Variants in TIAM1 observed in about 807,000 individuals in gnomAD.
TIAM1 encodes TIAM Rac1 associated GEF 1, also known as rho guanine nucleotide exchange factor TIAM1.
TIAM1 carries 65 observed loss-of-function variants against 163.5 expected under a neutral mutation model. The ratio of observed to expected loss-of-function variants is 0.40; its 90% CI spans 0.33 to 0.49. The LOEUF is 0.49. Ranked by LOEUF, TIAM1 falls within the 20% of genes least tolerant of loss-of-function variation. The pLI, the probability that TIAM1 is intolerant of heterozygous loss-of-function variation, is 0.77. For missense variants in TIAM1, 1,789 were observed against 2,044.7 expected (o/e 0.87, Z 2.41); for synonymous variants, 833 against 810.1 (o/e 1.03, Z -0.48).
rs116551960 is a variant in TIAM1, at chr21:31,438,016, A to T, written c.-369+25967T>A. On this transcript the variant is annotated intron_variant, in intron 2 of 28. Coordinates refer to the TIAM1 transcript ENST00000286827. ...AATTATCTCAGCTTGCTTTCTTAAT[A>T]AGAGGTTAACCCTTCCAAGATGATG... Among the ~76,000 whole-genome samples the T allele has an allele frequency of 3.0e-3, 453 of 152,214 alleles. 5 individuals are homozygous for T. Among genetic ancestry groups the T allele is most frequent in the African/African-American group, 9.2e-3 (384 of 41,522 alleles).
intron 2 of TIAM1, among the ~76,000 whole-genome samples, chr21:31,431,728 G>A (rs1189672500): frequency 6.6e-6 from 1 of 152,156 alleles, no homozygotes; most frequent in Non-Finnish European, 1.5e-5. Context: ...TTGCTTGTAG[G>A]CCAAAGCCTG....
At chr21:31,224,798 G>C (rs987397309) in intron 7 of TIAM1, among the ~76,000 whole-genome samples, 1 of 152,132 alleles carries the variant, frequency 6.6e-6, no homozygotes, top group Non-Finnish European at 1.5e-5. Flanking sequence ...CATGTCAATT[G>C]TTCAATGATT....
intron 2 of TIAM1, among the ~76,000 whole-genome samples, chr21:31,421,202 T>C (rs148884170): frequency 2.7e-4 from 40 of 150,706 alleles, no homozygotes; most frequent in Non-Finnish European, 5.0e-4. Flanking sequence ...CTAAATCCAA[T>C]GACTAGTGGC....
At chr21:31,532,410 T>C (rs537092383) in intron 1 of TIAM1, among the ~76,000 whole-genome samples, 1 of 152,330 alleles carries the variant, frequency 6.6e-6, no homozygotes, top group Admixed American at 6.5e-5. Flanking sequence ...TGCTTTTATG[T>C]CCTTCATTAA....
At position 31,164,504 on chromosome 21, in the gene TIAM1, T is replaced by G. The variant is rs546082310; in HGVS notation, c.2991+458A>C. On this transcript the variant is annotated intron_variant, in intron 16 of 27. Coordinates refer to ENST00000541036, the MANE Select transcript of TIAM1 (RefSeq NM_001353694.2). Reference sequence around the variant, plus strand: ...AAGTGTATTTGGATTAATTTTAAAATATGGTTTCTTTCCCTTTAACATAAA... The same window carrying G: ...AAGTGTATTTGGATTAATTTTAAAAGATGGTTTCTTTCCCTTTAACATAAA... 5.9e-5 allele frequency among the ~76,000 whole-genome samples: 9 copies of G among 152,256 alleles called. No homozygotes were observed. In the South Asian group the frequency reaches 1.9e-3, roughly 32 times the overall value.
chr21:31,144,971 T>C (rs1460854696), intron 20 of TIAM1, among the ~76,000 whole-genome samples: 1 of 152,172 alleles, frequency 6.6e-6, no homozygotes, highest in African/African-American at 2.4e-5. Context: ...TTAATCTAAT[T>C]GAGTGATTAA....
chr21:31,452,430 C>G (rs187752173), intron 2 of TIAM1: 73 of 379,010 alleles, frequency 1.9e-4, no homozygotes, highest in Admixed American at 1.3e-3. Context: ...GACCCTATTT[C>G]GAAACAACAA....
At chr21:31,392,331 G>T (rs964990839) in intron 2 of TIAM1, among the ~76,000 whole-genome samples, 3 of 152,140 alleles carry the variant, frequency 2.0e-5, no homozygotes, top group Non-Finnish European at 4.4e-5. Flanking sequence ...AGCACTTTGG[G>T]AGGCAGAGGC....
chr21:31,153,481 G>T (rs1031253772), intron 17 of TIAM1, among the ~76,000 whole-genome samples: 3 of 152,132 alleles, frequency 2.0e-5, no homozygotes, highest in Non-Finnish European at 4.4e-5. Flanking sequence ...AGCTGGATTT[G>T]ACCTGAGAGC....
rs771859944 is a variant in TIAM1, at chr21:31,225,897, G to A, written c.1638C>T (p.Cys546=). Residue 546 remains cysteine, a synonymous_variant, in exon 7 of 28, where the codon TGC becomes TGT. Coordinates refer to ENST00000541036, the MANE Select transcript of TIAM1 (RefSeq NM_001353694.2). Reference sequence around the variant, plus strand: ...GGTGGTGCCTCGCGACCGCAGTGGCGCAGGCAGAGTGGATGGCGGTGATCC... The same window carrying A: ...GGTGGTGCCTCGCGACCGCAGTGGCACAGGCAGAGTGGATGGCGGTGATCC... ...ENWITAIHSA[C]ATAVARHHHK... is the part of the protein sequence containing the mutation. 2.9e-5 allele frequency: 46 copies of A among 1,614,036 alleles called. No individual in the cohort carries two copies. Among genetic ancestry groups the A allele is most frequent in the African/African-American group, 6.7e-5 (5 of 74,920 alleles).
intron 2 of TIAM1, among the ~76,000 whole-genome samples, chr21:31,322,804 A>G (rs761247834): frequency 4.3e-4 from 65 of 152,110 alleles, no homozygotes; most frequent in Non-Finnish European, 7.9e-4. Context: ...CTATCTACAC[A>G]TGCAATTGTA....
chr21:31,544,100 C>T (rs1172086625), intron 1 of TIAM1, among the ~76,000 whole-genome samples: 1 of 152,068 alleles, frequency 6.6e-6, no homozygotes, highest in Non-Finnish European at 1.5e-5. Flanking sequence ...ATCCCAGCTA[C>T]TCAGGAGGCT....
chr21:31,450,263 G>A (rs933802183), intron 2 of TIAM1, among the ~76,000 whole-genome samples: 2 of 152,124 alleles, frequency 1.3e-5, no homozygotes, highest in Non-Finnish European at 2.9e-5. Flanking sequence ...CTTCCCTACA[G>A]AAACAACAGT....
intron 1 of TIAM1, among the ~76,000 whole-genome samples, chr21:31,489,581 C>G (rs894249641): frequency 6.9e-6 from 1 of 145,246 alleles, no homozygotes; most frequent in Non-Finnish European, 1.5e-5. Flanking sequence ...ACCCCCCCCC[C>G]CTTGGCAGAT....
chr21:31,477,025 C>G (rs1431153249), intron 1 of TIAM1, among the ~76,000 whole-genome samples: 1 of 152,124 alleles, frequency 6.6e-6, no homozygotes, highest in African/African-American at 2.4e-5. Flanking sequence ...AAAAGGGATG[C>G]CTGACTTCCT....
chr21:31,280,617 C>G (rs1463143549), intron 2 of TIAM1, among the ~76,000 whole-genome samples: 1 of 152,160 alleles, frequency 6.6e-6, no homozygotes, highest in Admixed American at 6.5e-5. Context: ...GGAAGTATTA[C>G]CAAAACTAAT....
intron 15 of TIAM1, among the ~76,000 whole-genome samples, chr21:31,181,540 TCA>T (rs1484233897): frequency 6.6e-6 from 1 of 151,862 alleles, no homozygotes; most frequent in East Asian, 1.9e-4. Flanking sequence ...GCGCTCGGGT[TCA>T]GTCTTCAGGT....
chr21:31,155,797 G>A (rs981655412), intron 16 of TIAM1, among the ~76,000 whole-genome samples: 71 of 152,276 alleles, frequency 4.7e-4, no homozygotes, highest in Admixed American at 7.2e-4. Flanking sequence ...CACCGCGCCC[G>A]GCCCCGGAAA....
chr21:31,300,602 A>G (rs1008094697), intron 2 of TIAM1, among the ~76,000 whole-genome samples: 2 of 152,242 alleles, frequency 1.3e-5, no homozygotes, highest in African/African-American at 4.8e-5. Context: ...TTGTAAAGTA[A>G]TAATACATCA....
Sources: gnomAD v4.1 joint callset for allele counts (sites outside exome capture counted in the v4.1 genomes callset) on GRCh38, gnomAD v4.1.1 for gene constraint, MANE v1.5 for transcripts, NCBI Gene and HGNC (gene_info 2026-07-23, HGNC 2026-07-21) for gene names.